IFT52: variants seen among roughly 807,000 people sequenced by gnomAD.
The protein encoded by IFT52 is intraflagellar transport 52.
In IFT52, 44 loss-of-function variants were observed where a neutral mutation model predicts 54.4. The observed-to-expected ratio is 0.81, with a 90% CI of 0.63 to 1.04. The LOEUF (loss-of-function observed/expected upper bound fraction) is 1.04. Among genes scored for constraint, IFT52 ranks in the 50% least tolerant of loss-of-function variants. IFT52 has a pLI of 0.00. For missense variants in IFT52, 452 were observed against 523.6 expected (o/e 0.86, Z 1.33); for synonymous variants, 181 against 185.3 (o/e 0.98, Z 0.19).
intron 4 of IFT52, 31 bp downstream of exon 4, chr20:43,603,920 A>G (rs752110629): frequency 7.3e-7 from 1 of 1,364,412 alleles, no homozygotes. Flanking sequence ...CAGTAGAGGC[A>G]GTACTTTTCT....
At chr20:43,623,847 G>C (rs1372434057) in intron 9 of IFT52, 44 bp from the exon 10 acceptor site, 2 of 1,594,246 alleles carry the variant, frequency 1.3e-6, no homozygotes, top group Non-Finnish European at 1.7e-6. Context: ...CAGAATAAAT[G>C]CTTGCTCTTG....
chr20:43,597,198 C>G (rs7270148), intron 3 of IFT52, among the ~76,000 whole-genome samples: 6,252 of 151,230 alleles, frequency 0.041, 296 homozygotes, highest in African/African-American at 0.11. Flanking sequence ...ATGGAGAAAC[C>G]CCGTCTCTAC....
chr20:43,614,043 C>G (rs1983664452), intron 7 of IFT52, 67 bp downstream of exon 7: 1 of 1,434,314 alleles, frequency 7.0e-7, no homozygotes, highest in Non-Finnish European at 9.6e-7. Context: ...AACCACCTTA[C>G]CATTTCCAGA....
intron 2 of IFT52, among the ~76,000 whole-genome samples, chr20:43,595,316 CAAAA>C (rs34012263): frequency 3.2e-5 from 2 of 62,916 alleles, no homozygotes; most frequent in Non-Finnish European, 5.7e-5. Context: ...GACTCCGTCT[CAAAA>C]AAAAAAAAAA....
chr20:43,623,452 G>A (rs1984490288), intron 9 of IFT52, among the ~76,000 whole-genome samples: 1 of 152,168 alleles, frequency 6.6e-6, no homozygotes, highest in Admixed American at 6.5e-5. Context: ...CTCCCAAAGT[G>A]TTGTAGGTGT....
intron 10 of IFT52, among the ~76,000 whole-genome samples, chr20:43,635,036 C>T (rs937596222): frequency 5.3e-5 from 8 of 151,902 alleles, no homozygotes; most frequent in Non-Finnish European, 1.0e-4. Context: ...GGTGTGGTGG[C>T]GCGTGCCTGT....
chr20:43,607,346 G>A (rs1224042264), intron 6 of IFT52, among the ~76,000 whole-genome samples: 2 of 151,056 alleles, frequency 1.3e-5, no homozygotes, highest in African/African-American at 2.4e-5. Context: ...GGTGGCTGCC[G>A]GGCGGAGACG....
chr20:43,633,614 A>G (rs1270612588), intron 10 of IFT52, among the ~76,000 whole-genome samples: 1 of 152,082 alleles, frequency 6.6e-6, no homozygotes, highest in Non-Finnish European at 1.5e-5. Context: ...AGGTTGAGGC[A>G]GGAGCATCGC....
At chr20:43,626,049 A>G (rs1466980046) in intron 10 of IFT52, among the ~76,000 whole-genome samples, 1 of 147,306 alleles carries the variant, frequency 6.8e-6, no homozygotes, top group East Asian at 2.0e-4. Flanking sequence ...AAAAAGTTGC[A>G]ATAACTGAGT....
intron 10 of IFT52, among the ~76,000 whole-genome samples, chr20:43,633,200 G>A (rs1393307898): frequency 4.6e-5 from 7 of 151,778 alleles, no homozygotes; most frequent in East Asian, 3.9e-4. Flanking sequence ...AAAATTAGCC[G>A]GGCATGGTGG....
chr20:43,614,035 C>T (rs899448179), intron 7 of IFT52, 59 bp downstream of exon 7: 28 of 1,455,698 alleles, frequency 1.9e-5, no homozygotes, highest in African/African-American at 2.8e-5. Context: ...ATAATAAAAA[C>T]CACCTTACCA....
Position 43,620,978 on chromosome 20 carries a change from A to G in IFT52, c.768+53A>G, listed in dbSNP as rs1180684202. On this transcript the variant is annotated intron_variant, in intron 9 of 13. Transcript: ENST00000373030. ...AAATGAAAAATGAGTCCAGCTTCTC[A>G]GTACCACTTCTCACAGCTCAAAAGG... 2.4e-6 allele frequency: 3 copies of G among 1,255,960 alleles called. No individual in the cohort carries two copies. In the Admixed American group the frequency reaches 5.2e-5, roughly 22 times the overall value. 77.8% of individuals were successfully genotyped at this position (1,255,960 alleles called of 1,614,324 possible).
intron 11 of IFT52, among the ~76,000 whole-genome samples, chr20:43,636,553 G>A (rs1469171871): frequency 6.6e-6 from 1 of 152,134 alleles, no homozygotes; most frequent in African/African-American, 2.4e-5. Flanking sequence ...ACAGAAAATG[G>A]TAAATGCTAC....
intron 1 of IFT52, among the ~76,000 whole-genome samples, chr20:43,592,949 A>C (rs1289807064): frequency 6.6e-6 from 1 of 151,836 alleles, no homozygotes; most frequent in African/African-American, 2.4e-5. Flanking sequence ...AAAAATTTAA[A>C]AATTAGCTGG....
At position 43,635,992 on chromosome 20, in the gene IFT52, G is replaced by A. The variant is rs756505403; in HGVS notation, c.990G>A (p.Pro330=). ...LQLIQPQFET[P]LPTLQPAVFP... ...TCATCCAGCCTCAGTTTGAGACGCC[G>A]CTGCCAACCCTTCAGCCTGCGGTGA... is the stretch of plus-strand genomic sequence containing the variant. The change falls in exon 11 of 14, where the codon CCG becomes CCA. Residue 330 remains proline (P), a synonymous_variant. Coordinates refer to ENST00000373030, the MANE Select transcript of IFT52 (RefSeq NM_016004.5). 2.2e-5 allele frequency: 36 copies of A among 1,613,996 alleles called. No homozygotes were observed. The highest frequency in any genetic ancestry group is 3.3e-4 in the Middle Eastern group (2 of 6,074).
intron 6 of IFT52, among the ~76,000 whole-genome samples, chr20:43,607,218 C>A (rs1335551002): frequency 7.0e-6 from 1 of 142,160 alleles, no homozygotes; most frequent in Non-Finnish European, 1.5e-5. Context: ...GGGGGCTGAC[C>A]CCCCCACCTC....
intron 12 of IFT52, among the ~76,000 whole-genome samples, chr20:43,638,417 C>T (rs961715066): frequency 4.6e-5 from 7 of 152,006 alleles, no homozygotes; most frequent in African/African-American, 1.7e-4. Context: ...TCTAAAACTC[C>T]AGACCTCAGG....
intron 1 of IFT52, among the ~76,000 whole-genome samples, chr20:43,592,277 C>G (rs958728536): frequency 6.6e-6 from 1 of 151,590 alleles, no homozygotes; most frequent in African/African-American, 2.4e-5. Flanking sequence ...TGCAGCGAGC[C>G]GAGATTGCAC....
At chr20:43,618,202 A>G (rs1292229426) in intron 7 of IFT52, 3 of 151,466 alleles carry the variant, frequency 2.0e-5, no homozygotes, top group Admixed American at 6.6e-5. Context: ...AAAATGCTGT[A>G]GAATCAATTT....
Sources: allele counts gnomAD v4.1 joint callset (sites outside exome capture counted in the v4.1 genomes callset), GRCh38; gene constraint gnomAD v4.1.1; transcripts MANE v1.5; gene names NCBI Gene and HGNC (gene_info 2026-07-23, HGNC 2026-07-21).